CNTNAP2: variants seen among roughly 807,000 people sequenced by gnomAD.
The protein encoded by CNTNAP2 is contactin associated protein 2, also known as contactin-associated protein-like 2.
A neutral mutation model predicts 155.2 loss-of-function variants in CNTNAP2; 98 were observed. The ratio of observed to expected loss-of-function variants is 0.63; its 90% CI spans 0.54 to 0.75. The LOEUF (loss-of-function observed/expected upper bound fraction) is 0.75, where lower values mean the gene tolerates loss of function less well. Ranked by LOEUF, CNTNAP2 falls within the 30% of genes least tolerant of loss-of-function variation. The pLI is 0.00. For synonymous variants in CNTNAP2, 651 were observed against 631.2 expected (o/e 1.03, Z -0.47); for missense variants, 1,727 against 1,688.1 (o/e 1.02, Z -0.40).
chr7:148,084,514 T>C (rs577596571), intron 15 of CNTNAP2, among the ~76,000 whole-genome samples: 1 of 152,352 alleles, frequency 6.6e-6, no homozygotes, highest in South Asian at 2.1e-4. Flanking sequence ...GAAAATTCTT[T>C]AAAATCATTA....
At chr7:146,450,460 A>C (rs1425355706) in intron 1 of CNTNAP2, among the ~76,000 whole-genome samples, 1 of 152,228 alleles carries the variant, frequency 6.6e-6, no homozygotes, top group Non-Finnish European at 1.5e-5. Flanking sequence ...TGAAATTTCC[A>C]AGAAAACTTG....
At chr7:147,572,761 T>A (rs1443588140) in intron 12 of CNTNAP2, among the ~76,000 whole-genome samples, 1 of 151,704 alleles carries the variant, frequency 6.6e-6, no homozygotes, top group Non-Finnish European at 1.5e-5. Context: ...TAAGATCAAC[T>A]CATTTCTTTG....
At chr7:147,744,266 T>A (rs946149044) in intron 13 of CNTNAP2, among the ~76,000 whole-genome samples, 4 of 152,178 alleles carry the variant, frequency 2.6e-5, no homozygotes, top group African/African-American at 9.6e-5. Flanking sequence ...ATATGAGCCA[T>A]CTGCCCCTTT....
At chr7:147,252,380 G>T (rs1218176323) in intron 8 of CNTNAP2, among the ~76,000 whole-genome samples, 1 of 152,158 alleles carries the variant, frequency 6.6e-6, no homozygotes, top group African/African-American at 2.4e-5. Flanking sequence ...GAAGGGCTGT[G>T]AATTACATCT....
At chr7:146,370,952 T>C (rs1438086660) in intron 1 of CNTNAP2, among the ~76,000 whole-genome samples, 1 of 152,194 alleles carries the variant, frequency 6.6e-6, no homozygotes, top group East Asian at 1.9e-4. Context: ...CTATAAATTG[T>C]ATTTCCTTAA....
intron 1 of CNTNAP2, among the ~76,000 whole-genome samples, chr7:146,750,024 G>A (rs1434562950): frequency 2.6e-5 from 4 of 152,080 alleles, no homozygotes; most frequent in African/African-American, 9.7e-5. Context: ...TCCCAGATCT[G>A]TGAGGTCCTG....
intron 1 of CNTNAP2, among the ~76,000 whole-genome samples, chr7:146,537,551 G>C (rs948737505): frequency 6.6e-6 from 1 of 152,090 alleles, no homozygotes; most frequent in Non-Finnish European, 1.5e-5. Flanking sequence ...GATGGTGAAC[G>C]CCAAGGAGAC....
At chr7:147,912,623 C>T (rs1800086414) in intron 14 of CNTNAP2, among the ~76,000 whole-genome samples, 1 of 152,166 alleles carries the variant, frequency 6.6e-6, no homozygotes, top group South Asian at 2.1e-4. Flanking sequence ...TCTTCAAATC[C>T]AGGCAGGAGC....
At chr7:147,651,859 C>A (rs1461384497) in intron 13 of CNTNAP2, among the ~76,000 whole-genome samples, 2 of 152,196 alleles carry the variant, frequency 1.3e-5, no homozygotes, top group Middle Eastern at 3.2e-3. Flanking sequence ...TAAAGGGAAG[C>A]ACCTCCATTG....
intron 2 of CNTNAP2, among the ~76,000 whole-genome samples, chr7:146,815,822 C>T (rs1444962478): frequency 6.6e-6 from 1 of 152,086 alleles, no homozygotes; most frequent in Admixed American, 6.5e-5. Context: ...AGGTTTGTTA[C>T]ATATGTATAC....
chr7:146,613,624 T>C (rs914367574), intron 1 of CNTNAP2, among the ~76,000 whole-genome samples: 1 of 152,196 alleles, frequency 6.6e-6, no homozygotes, highest in African/African-American at 2.4e-5. Flanking sequence ...CTGTTCAATA[T>C]GAGAACTATA....
intron 1 of CNTNAP2, among the ~76,000 whole-genome samples, chr7:146,545,674 G>A (rs1203183635): frequency 6.6e-6 from 1 of 151,664 alleles, no homozygotes; most frequent in Non-Finnish European, 1.5e-5. Flanking sequence ...TAAAAAGTCA[G>A]GAAACAACAG....
At chr7:148,195,315 T>C (rs995872804) in intron 18 of CNTNAP2, among the ~76,000 whole-genome samples, 1 of 152,224 alleles carries the variant, frequency 6.6e-6, no homozygotes, top group African/African-American at 2.4e-5. Flanking sequence ...ACTTTTAAAT[T>C]GAATTTCTTG....
At chr7:148,410,729 A>G (rs1799816939) in intron 23 of CNTNAP2, among the ~76,000 whole-genome samples, 2 of 152,168 alleles carry the variant, frequency 1.3e-5, no homozygotes, top group African/African-American at 2.4e-5. Flanking sequence ...CAGGAGCTAA[A>G]AGATTTACAC....
chr7:146,911,673 G>A, intron 3 of CNTNAP2, among the ~76,000 whole-genome samples: 1 of 118,522 alleles, frequency 8.4e-6, no homozygotes, highest in East Asian at 3.1e-4. Context: ...GGGGGAGGGG[G>A]GAGGGATAGC....
chr7:147,745,703 C>CA lies in CNTNAP2; in HGVS notation c.2098+106401dup, dbSNP rs1384572335. Among the ~76,000 whole-genome samples the CA allele has an allele frequency of 4.6e-5, 7 of 152,068 alleles. No individual in the cohort carries two copies. The South Asian group carries it at 1.4e-3, about 31-fold the overall frequency. On this transcript the variant is annotated intron_variant, in intron 13 of 23. Transcript: ENST00000361727. ...CATTACTTGGTAAAAAGATTTAAAA[C>CA]AAAATGCTCTTTCTCTACTAGTCGA... is the stretch of plus-strand genomic sequence containing the variant.
chr7:146,508,899 C>T (rs1224599719), intron 1 of CNTNAP2, among the ~76,000 whole-genome samples: 1 of 152,160 alleles, frequency 6.6e-6, no homozygotes, highest in African/African-American at 2.4e-5. Context: ...CACTGGGGCC[C>T]TTTTGTCCCA....
chr7:148,092,827 T>G (rs1803872164), intron 15 of CNTNAP2, among the ~76,000 whole-genome samples: 2 of 150,954 alleles, frequency 1.3e-5, no homozygotes, highest in Admixed American at 6.6e-5. Flanking sequence ...TGAAAATGAT[T>G]TATTAGACAT....
intron 16 of CNTNAP2, among the ~76,000 whole-genome samples, chr7:148,129,508 G>A (rs1295287877): frequency 6.6e-6 from 1 of 152,236 alleles, no homozygotes; most frequent in Non-Finnish European, 1.5e-5. Context: ...ATGTAAAAAT[G>A]TATCCAGCTG....
Sources: allele counts gnomAD v4.1 joint callset (sites outside exome capture counted in the v4.1 genomes callset), GRCh38; gene constraint gnomAD v4.1.1; transcripts MANE v1.5; gene names NCBI Gene and HGNC (gene_info 2026-07-23, HGNC 2026-07-21).